ACAP1: variants seen among roughly 807,000 people sequenced by gnomAD.
The protein encoded by ACAP1 is ArfGAP with coiled-coil, ankyrin repeat and PH domains 1.
Under a neutral mutation model 98.8 loss-of-function variants are expected in ACAP1, and 45 were observed. The ratio of observed to expected loss-of-function variants is 0.46; its 90% CI spans 0.36 to 0.58. The LOEUF (loss-of-function observed/expected upper bound fraction) is 0.58. Ranked by LOEUF, ACAP1 falls within the 20% of genes least tolerant of loss-of-function variation. The probability of loss-of-function intolerance (pLI) is 0.00; values close to 1 mark genes in which losing one functional copy is unlikely to be tolerated. For missense variants in ACAP1, 735 were observed against 971.4 expected (o/e 0.76, Z 3.24); for synonymous variants, 362 against 375.3 (o/e 0.96, Z 0.41).
Position 7,347,908 on chromosome 17 carries a change from C to T in ACAP1, c.1344-14C>T, listed in dbSNP as rs751617582. ...CCCTGCACAGGGCCTGACCCTCCCC[C>T]TCTGGCCCTCCAGGAGCCTTGGTGT... On this transcript the variant is annotated splice_polypyrimidine_tract_variant and intron_variant, in intron 14 of 21. Transcript: ENST00000158762. 16 of 1,613,162 alleles carry T rather than the reference C, an allele frequency of 9.9e-6. No individual in the cohort carries two copies. In the Admixed American group the frequency reaches 1.3e-4, roughly 13 times the overall value.
Position 7,343,336 on chromosome 17 carries a change from G to T in ACAP1, c.345-43G>T, listed in dbSNP as rs1207332396. ...ACCCTGGGAATGCTCTGCTGGGGCA[G>T]GTGGGTGTTAGCTGCGATTCTGTGT... On this transcript the variant is annotated intron_variant, in intron 5 of 21. Coordinates refer to ENST00000158762, the MANE Select transcript of ACAP1 (RefSeq NM_014716.4). The surrounding 1 kb of genome is among the most constrained non-coding windows in gnomAD (Gnocchi z 4.9). 1 of 1,575,162 alleles carries T rather than the reference G, an allele frequency of 6.3e-7. No individual in the cohort carries two copies.
At chr17:7,346,108 C>T in intron 10 of ACAP1, 136 bp from the exon 11 acceptor site, 1 of 802,884 alleles carries the variant, frequency 1.2e-6, no homozygotes, top group Non-Finnish European at 2.2e-6. Flanking sequence ...GTCCACCCTT[C>T]TCTGGAATGT....
rs2073376942 is a variant in ACAP1, at chr17:7,349,061, C to T, written c.1745C>T (p.Pro582Leu). Residue 582 changes from proline to leucine, a missense_variant, in exon 18 of 22, where the codon CCT (proline) becomes CTT (leucine). This residue lies in a region of ACAP1 where 142 missense variants were observed against 224.1 expected (regional missense o/e 0.63). Transcript: ENST00000158762. Reference protein sequence around the residue: ...GALLFRASGHPPSLPTMADAL... With the variant: ...GALLFRASGHLPSLPTMADAL... ...CTACTGTTTCGAGCGTCTGGGCATCCTCCATCTCTTCCCACCATGGCTGAT... is the reference window on the plus strand; with the variant it reads ...CTACTGTTTCGAGCGTCTGGGCATCTTCCATCTCTTCCCACCATGGCTGAT... 6.2e-7 allele frequency: 1 copy of T among 1,614,086 alleles called. No individual in the cohort carries two copies. The highest frequency in any genetic ancestry group is 8.5e-7 in the Non-Finnish European group (1 of 1,180,006).
chr17:7,343,248 G>A lies in ACAP1; in HGVS notation c.345-131G>A, dbSNP rs548669966. ...GGGGGTTTCTGGTGTCCTGACTTCC[G>A]TCCCAGGGATCACCTTGGGTTTCCC... On this transcript the variant is annotated intron_variant, in intron 5 of 21. Coordinates refer to ENST00000158762, the MANE Select transcript of ACAP1 (RefSeq NM_014716.4). This position sits in a 1 kb window ranked among gnomAD's most constrained non-coding sequence, Gnocchi z 4.9. 2.4e-4 allele frequency: 228 copies of A among 947,602 alleles called. 2 individuals carry two copies. Among genetic ancestry groups the A allele is most frequent in the Non-Finnish European group, 3.0e-4 (189 of 635,770 alleles). 58.7% of individuals were successfully genotyped at this position (947,602 alleles called of 1,614,324 possible). A position where few individuals can be genotyped will look rare whatever the true frequency, so the allele number is the denominator to read the frequency against.
In ACAP1 at chr17:7,341,815, G is replaced by A. The variant is rs1026664369; in HGVS notation, c.112-133G>A. The stretch of plus-strand genomic sequence containing the variant: ...GATACAGGGAGAGCTGGATGAGCCT[G>A]GAGGGCAGTGAGGCCAGGCAGGAAT... On this transcript the variant is annotated intron_variant, in intron 2 of 21. Coordinates refer to ENST00000158762, the MANE Select transcript of ACAP1 (RefSeq NM_014716.4). 1.3e-5 allele frequency: 17 copies of A among 1,290,112 alleles called. No individual in the cohort carries two copies. The African/African-American group carries it at 2.2e-4, about 17-fold the overall frequency. The allele number at this position is 1,290,112 out of a possible 1,614,324, so 79.9% of individuals were successfully genotyped here. A position where few individuals can be genotyped will look rare whatever the true frequency, so the allele number is the denominator to read the frequency against.
Position 7,348,482 on chromosome 17 carries a change from G to T in ACAP1, c.1678+7G>T. On this transcript the variant is annotated splice_region_variant and intron_variant, in intron 17 of 21. Coordinates refer to ENST00000158762, the MANE Select transcript of ACAP1 (RefSeq NM_014716.4). ...AGCTTGAGATCCAAGCCAGGTATAG[G>T]GTTGGTTGGGCATTCATTGAGCATC... The T allele has an allele frequency of 2.7e-6, 4 of 1,466,656 alleles. No individual in the cohort carries two copies. Among genetic ancestry groups the T allele is most frequent in the Non-Finnish European group, 3.6e-6 (4 of 1,107,634 alleles). The allele number at this position is 1,466,656 out of a possible 1,614,324, so 90.9% of individuals were successfully genotyped here.
chr17:7,346,730 A>C, intron 12 of ACAP1, 78 bp from the exon 13 acceptor site: 1 of 1,496,010 alleles, frequency 6.7e-7, no homozygotes, highest in East Asian at 2.3e-5. Flanking sequence ...ATACTGGCTG[A>C]ATGTCAGTCT....
At position 7,344,103 on chromosome 17, in the gene ACAP1, C is replaced by A; in HGVS notation, c.724C>A (p.His242Asn). The A allele has an allele frequency of 6.3e-7, 1 of 1,582,338 alleles. No individual in the cohort carries two copies. Among genetic ancestry groups the A allele is most frequent in the Non-Finnish European group, 8.6e-7 (1 of 1,163,658 alleles). The change falls in exon 9 of 22, where the codon CAC becomes AAC. Residue 242 changes from histidine (H) to asparagine (N), a missense_variant. Coordinates refer to ENST00000158762, the MANE Select transcript of ACAP1 (RefSeq NM_014716.4). The surrounding 1 kb of genome is among the most constrained non-coding windows in gnomAD (Gnocchi z 4.9). Reference protein sequence around the residue: ...AREKRDMEQRHVLLKQKELGG... With the variant: ...AREKRDMEQRNVLLKQKELGG... ...AGAGAAGAGGGACATGGAGCAGAGA[C>A]ACGTGCTGCTGAAACAGAAGGTGAG...
chr17:7,337,021 C>T (rs1472192955), intron 1 of ACAP1, among the ~76,000 whole-genome samples: 4 of 152,040 alleles, frequency 2.6e-5, no homozygotes, highest in South Asian at 4.2e-4. Context: ...CTGGCATTCC[C>T]TCTGGCCTCT....
Position 7,343,009 on chromosome 17 carries a change from G to A in ACAP1, c.345-370G>A, listed in dbSNP as rs996158400. ...GGCAGGAGAATTGCTTGAGCCTGGAGGTCAGGGCTGCGGTGAGCCATGATT... is the reference window on the plus strand; with the variant it reads ...GGCAGGAGAATTGCTTGAGCCTGGAAGTCAGGGCTGCGGTGAGCCATGATT... On this transcript the variant is annotated intron_variant, in intron 5 of 21. Transcript: ENST00000158762. This position sits in a 1 kb window ranked among gnomAD's most constrained non-coding sequence, Gnocchi z 4.9. 6.6e-5 allele frequency: 15 copies of A among 227,656 alleles called. No individual in the cohort carries two copies. The East Asian group carries it at 1.7e-3, about 26-fold the overall frequency. 14.1% of individuals were successfully genotyped at this position (227,656 alleles called of 1,614,324 possible).
At chr17:7,337,935 G>A (rs966324681) in intron 2 of ACAP1, among the ~76,000 whole-genome samples, 17 of 152,266 alleles carry the variant, frequency 1.1e-4, no homozygotes, top group African/African-American at 4.1e-4. Context: ...CATTCAGGGA[G>A]GACAAGATCA....
rs369489988 is a variant in ACAP1, at chr17:7,344,136, G to T, written c.744+13G>T. 7.7e-4 allele frequency: 1,196 copies of T among 1,561,550 alleles called. 1 individual carries two copies. Among genetic ancestry groups the T allele is most frequent in the Non-Finnish European group, 9.6e-4 (1,106 of 1,152,694 alleles). On this transcript the variant is annotated intron_variant, in intron 9 of 21. Coordinates refer to ENST00000158762, the MANE Select transcript of ACAP1 (RefSeq NM_014716.4). This position sits in a 1 kb window ranked among gnomAD's most constrained non-coding sequence, Gnocchi z 4.9. Reference sequence around the variant, plus strand: ...GCTGAAACAGAAGGTGAGGGGCCAGGTGCGGTGGCCCACGACCGTCATCCC... The same window carrying T: ...GCTGAAACAGAAGGTGAGGGGCCAGTTGCGGTGGCCCACGACCGTCATCCC...
intron 2 of ACAP1, among the ~76,000 whole-genome samples, chr17:7,339,131 A>G (rs754240245): frequency 9.2e-5 from 14 of 151,638 alleles, no homozygotes; most frequent in Non-Finnish European, 2.1e-4. Flanking sequence ...TCTACTAAAA[A>G]TACAAAAAAT....
intron 14 of ACAP1, chr17:7,347,615 G>A: frequency 3.7e-6 from 2 of 545,644 alleles, no homozygotes; most frequent in Non-Finnish European, 6.6e-6. Flanking sequence ...GTGGAAGGGA[G>A]GTGACATGGG....
At chr17:7,337,685 C>A (rs1015922648) in intron 2 of ACAP1, among the ~76,000 whole-genome samples, 1 of 152,024 alleles carries the variant, frequency 6.6e-6, no homozygotes, top group Non-Finnish European at 1.5e-5. Flanking sequence ...GAAACCCCAT[C>A]TCTACTAAAA....
rs1233855158 is a variant in ACAP1, at chr17:7,349,377, G to A, written c.1851+210G>A. The A allele has an allele frequency of 8.1e-6, 4 of 492,914 alleles. No individual in the cohort carries two copies. The East Asian group carries it at 1.0e-4, about 13-fold the overall frequency. The allele number at this position is 492,914 out of a possible 1,614,324, so 30.5% of individuals were successfully genotyped here. ...ACCCAGGCTCTCACCTCTTACAGGA[G>A]ACTTTTTTTTTTTTTTTTGAGACAG... On this transcript the variant is annotated intron_variant, in intron 18 of 21. Coordinates refer to ENST00000158762, the MANE Select transcript of ACAP1 (RefSeq NM_014716.4).
chr17:7,337,444 C>A, intron 2 of ACAP1, 75 bp downstream of exon 2: 1 of 1,297,588 alleles, frequency 7.7e-7, no homozygotes, highest in Non-Finnish European at 1.1e-6. Flanking sequence ...AAGCTGGAGA[C>A]ACAGAATGCA....
intron 10 of ACAP1, chr17:7,345,405 C>A (rs1332295808): frequency 6.6e-6 from 1 of 151,796 alleles, no homozygotes; most frequent in Non-Finnish European, 1.5e-5. Flanking sequence ...CTCACTGCAA[C>A]CTCTATCCCC....
At chr17:7,346,994 G>C in intron 13 of ACAP1, 37 bp from the exon 14 acceptor site, 1 of 1,573,842 alleles carries the variant, frequency 6.4e-7, no homozygotes, top group African/African-American at 1.3e-5. Context: ...TTTACCCTAG[G>C]CCCCTTGGCC....
Sources: gnomAD v4.1 joint callset for allele counts (sites outside exome capture counted in the v4.1 genomes callset) on GRCh38, gnomAD v4.1.1 for gene constraint, gnomAD v4.1.1 regional missense constraint, Gnocchi (gnomAD v3.1) non-coding constraint, MANE v1.5 for transcripts, NCBI Gene and HGNC (gene_info 2026-07-23, HGNC 2026-07-21) for gene names.